The following BICC1 variants were observed in gnomAD, a reference collection of about 807,000 sequenced individuals.
The protein encoded by BICC1 is BicC family RNA binding protein 1.
BICC1 carries 43 observed loss-of-function variants against 111.0 expected under a neutral mutation model. The ratio of observed to expected loss-of-function variants is 0.39; its 90% CI spans 0.30 to 0.50. The LOEUF is 0.50. BICC1 is among the 20% of genes least tolerant of loss of function. The probability of loss-of-function intolerance (pLI) is 0.88; values close to 1 mark genes in which losing one functional copy is unlikely to be tolerated. For missense variants in BICC1, 1,091 were observed against 1,203.2 expected (o/e 0.91, Z 1.38); for synonymous variants, 467 against 434.4 (o/e 1.07, Z -0.93).
At chr10:58,604,359 T>C (rs911428315) in intron 1 of BICC1, among the ~76,000 whole-genome samples, 2 of 152,100 alleles carry the variant, frequency 1.3e-5, no homozygotes, top group Non-Finnish European at 2.9e-5. Flanking sequence ...ATATAAATAC[T>C]ATTAGGTCAT....
Position 58,789,216 on chromosome 10 carries a change from C to T in BICC1, c.601-46C>T, listed in dbSNP as rs763360363. 5.1e-5 allele frequency: 76 copies of T among 1,502,772 alleles called. No homozygotes were observed. The East Asian group carries it at 1.7e-3, about 33-fold the overall frequency. 93.1% of individuals were successfully genotyped at this position (1,502,772 alleles called of 1,614,324 possible). On this transcript the variant is annotated intron_variant, in intron 6 of 20. Transcript: ENST00000373886. The stretch of plus-strand genomic sequence containing the variant: ...ATGAATGATACACATGTCTGAATGT[C>T]TAATGCTTTAACTCTCTGCTTTGGA...
chr10:58,577,290 G>C (rs369152805), intron 1 of BICC1, among the ~76,000 whole-genome samples: 1 of 152,162 alleles, frequency 6.6e-6, no homozygotes, highest in African/African-American at 2.4e-5. Context: ...ATTTGTTTAA[G>C]GGCACCAACT....
chr10:58,605,338 C>A (rs1306950364), intron 1 of BICC1, among the ~76,000 whole-genome samples: 2 of 152,170 alleles, frequency 1.3e-5, no homozygotes, highest in Non-Finnish European at 2.9e-5. Flanking sequence ...CTGTTTCTTG[C>A]TGATTCTTCA....
chr10:58,787,305 T>TA (rs1361125173), intron 5 of BICC1, among the ~76,000 whole-genome samples: 1 of 152,064 alleles, frequency 6.6e-6, no homozygotes, highest in East Asian at 1.9e-4. Flanking sequence ...AAATCATTGA[T>TA]AAAAAATAGC....
intron 2 of BICC1, among the ~76,000 whole-genome samples, chr10:58,661,514 T>C (rs768795604): frequency 6.6e-6 from 1 of 152,180 alleles, no homozygotes; most frequent in Non-Finnish European, 1.5e-5. Flanking sequence ...TGATTCATGA[T>C]GATCTAAGAC....
intron 3 of BICC1, among the ~76,000 whole-genome samples, chr10:58,771,096 GA>G (rs1842613020): frequency 6.6e-6 from 1 of 152,138 alleles, no homozygotes; most frequent in African/African-American, 2.4e-5. Context: ...AGAGATTGAG[GA>G]TTCAAAAAAT....
rs574132989 is a variant in BICC1 at position 58,746,706 on chromosome 10, A to G, written c.308-38295A>G. ...CCTTTTCCTAAAGCAGAGCATGAAT[A>G]CAGGTATTCATTAAGCCATTGTTTC... On this transcript the variant is annotated intron_variant, in intron 3 of 20. Coordinates refer to ENST00000373886, the MANE Select transcript of BICC1 (RefSeq NM_001080512.3). Among the ~76,000 whole-genome samples the G allele has an allele frequency of 1.5e-4, 23 of 152,252 alleles. No homozygotes were observed. The South Asian group carries it at 4.8e-3, about 32-fold the overall frequency.
chr10:58,787,163 G>A, intron 5 of BICC1, 82 bp downstream of exon 5: 1 of 1,286,090 alleles, frequency 7.8e-7, no homozygotes, highest in Non-Finnish European at 1.1e-6. Flanking sequence ...TTTTTTTTCT[G>A]AGAGGTGAGA....
At chr10:58,709,555 C>CAGTA (rs1564567718) in intron 3 of BICC1, among the ~76,000 whole-genome samples, 1 of 152,168 alleles carries the variant, frequency 6.6e-6, no homozygotes, top group Middle Eastern at 3.2e-3. Flanking sequence ...AGTTGGCACT[C>CAGTA]AGTAAGTGTT....
At chr10:58,582,137 T>A (rs1844300040) in intron 1 of BICC1, among the ~76,000 whole-genome samples, 1 of 152,246 alleles carries the variant, frequency 6.6e-6, no homozygotes, top group African/African-American at 2.4e-5. Flanking sequence ...GTACTAATAT[T>A]ATTTGGCTAG....
At chr10:58,524,912 A>G (rs145828461) in intron 1 of BICC1, among the ~76,000 whole-genome samples, 69,758 of 151,744 alleles carry the variant, frequency 0.46, 17,100 homozygotes, top group Admixed American at 0.62. Flanking sequence ...GATATGAACA[A>G]ACACTTCTCA....
intron 2 of BICC1, among the ~76,000 whole-genome samples, chr10:58,699,699 T>C (rs998774501): frequency 1.3e-5 from 2 of 152,106 alleles, no homozygotes; most frequent in Non-Finnish European, 2.9e-5. Context: ...CTATCTTTCT[T>C]TCTTTTTTTT....
chr10:58,598,612 C>G (rs183647312), intron 1 of BICC1, among the ~76,000 whole-genome samples: 254 of 152,194 alleles, frequency 1.7e-3, no homozygotes, highest in Non-Finnish European at 1.7e-3. Context: ...GACTTCATGA[C>G]TAAAACACCA....
At chr10:58,752,093 A>G (rs1842006052) in intron 3 of BICC1, among the ~76,000 whole-genome samples, 1 of 152,154 alleles carries the variant, frequency 6.6e-6, no homozygotes, top group Non-Finnish European at 1.5e-5. Context: ...TTTTTAAAAT[A>G]TCTCTTCAGC....
intron 1 of BICC1, among the ~76,000 whole-genome samples, chr10:58,521,123 G>C (rs763508585): frequency 5.9e-5 from 9 of 152,076 alleles, no homozygotes; most frequent in Non-Finnish European, 8.8e-5. Context: ...AGTATACTTT[G>C]TTTAAACACT....
intron 17 of BICC1, among the ~76,000 whole-genome samples, chr10:58,810,922 C>T (rs1484324399): frequency 1.3e-5 from 2 of 152,134 alleles, no homozygotes; most frequent in African/African-American, 4.8e-5. Context: ...GCTGCTCACT[C>T]GGTGTGCCAG....
intron 2 of BICC1, among the ~76,000 whole-genome samples, chr10:58,654,641 A>T (rs1487354581): frequency 1.2e-5 from 1 of 82,876 alleles, no homozygotes; most frequent in Non-Finnish European, 2.5e-5. Context: ...TTGCCTGTTC[A>T]CTCTGATAGT....
In BICC1 at chr10:58,690,199, G is replaced by T. The variant is rs79901617; in HGVS notation, c.238-11875G>T. On this transcript the variant is annotated intron_variant, in intron 2 of 20. Transcript: ENST00000373886. ...CCCCTAAACTTTTCTGGCAGAGGCA[G>T]TCGTGCCCACCAAATATTCTAATTG... Among the ~76,000 whole-genome samples, 860 of 152,316 alleles carry T rather than the reference G, an allele frequency of 5.6e-3. 7 individuals are homozygous for T. Among genetic ancestry groups the T allele is most frequent in the African/African-American group, 0.019 (810 of 41,566 alleles).
intron 3 of BICC1, among the ~76,000 whole-genome samples, chr10:58,741,272 T>C (rs1258593403): frequency 6.6e-6 from 1 of 152,192 alleles, no homozygotes; most frequent in Non-Finnish European, 1.5e-5. Context: ...ATAGAATTGA[T>C]TTGCAGAAGG....
Sources: allele counts gnomAD v4.1 joint callset (sites outside exome capture counted in the v4.1 genomes callset), GRCh38; gene constraint gnomAD v4.1.1; transcripts MANE v1.5; gene names NCBI Gene and HGNC (gene_info 2026-07-23, HGNC 2026-07-21).